SYCP1: variants seen among roughly 807,000 people sequenced by gnomAD.
SYCP1 encodes the protein cancer/testis antigen 8.
A neutral mutation model predicts 153.1 loss-of-function variants in SYCP1; 64 were observed. The ratio of observed to expected loss-of-function variants is 0.42; its 90% confidence interval spans 0.34 to 0.51. SYCP1 has a LOEUF of 0.51. Among genes scored for constraint, SYCP1 ranks in the 20% least tolerant of loss-of-function variants. The probability of loss-of-function intolerance (pLI) is 0.06; values close to 1 mark genes in which losing one functional copy is unlikely to be tolerated. For missense variants in SYCP1, 997 were observed against 1,049.0 expected (o/e 0.95, Z 0.68); for synonymous variants, 384 against 341.8 (o/e 1.12, Z -1.36).
Position 114,924,521 on chromosome 1 carries a change from A to C in SYCP1, c.1800+991A>C, listed in dbSNP as rs562831387. 2.3e-4 allele frequency among the ~76,000 whole-genome samples: 35 copies of C among 152,278 alleles called. No homozygotes were observed. The South Asian group carries it at 7.0e-3, about 31-fold the overall frequency. On this transcript the variant is annotated intron_variant, in intron 21 of 31. Coordinates refer to ENST00000369522, the MANE Select transcript of SYCP1 (RefSeq NM_003176.4). Reference sequence around the variant, plus strand: ...AACTTGAGCTAGGGCGTGCTTCCTGAAAGAAGTCACATTCAATGTGAAGCC... The same window carrying C: ...AACTTGAGCTAGGGCGTGCTTCCTGCAAGAAGTCACATTCAATGTGAAGCC...
rs564894779 is a variant in SYCP1 at position 114,926,523 on chromosome 1, G to A, written c.1886G>A (p.Gly629Asp). The change falls in exon 23 of 32, where the codon GGT becomes GAT. Residue 629 changes from glycine (G) to aspartate (D), a missense_variant. By Grantham distance (94) the Gly-to-Asp change is moderately conservative (BLOSUM62 -1). Transcript: ENST00000369522. ...CAGAATAAGGCCTTGAAAAAAAAAG[G>A]TACAGCAGAAAGCAAGCAACTGAAT... is the stretch of plus-strand genomic sequence containing the variant. Reference protein sequence around the residue: ...QQENKALKKKGTAESKQLNVY... With the variant: ...QQENKALKKKDTAESKQLNVY... The A allele has an allele frequency of 1.3e-6, 2 of 1,588,854 alleles. No individual in the cohort carries two copies. The highest frequency in any genetic ancestry group is 1.4e-5 in the African/African-American group (1 of 73,444).
At chr1:114,880,204 C>G (rs892713102) in intron 12 of SYCP1, among the ~76,000 whole-genome samples, 1 of 152,134 alleles carries the variant, frequency 6.6e-6, no homozygotes, top group African/African-American at 2.4e-5. Flanking sequence ...CAACCATAAC[C>G]ACCATCTTTC....
chr1:114,973,637 TTGTA>T, intron 27 of SYCP1, among the ~76,000 whole-genome samples: 1 of 151,964 alleles, frequency 6.6e-6, no homozygotes, highest in Admixed American at 6.6e-5. Context: ...TAGCATGAGA[TTGTA>T]TGTTTTTGTT....
chr1:114,923,306 C>A, intron 20 of SYCP1, 143 bp from the exon 21 acceptor site: 1 of 805,616 alleles, frequency 1.2e-6, no homozygotes, highest in Non-Finnish European at 1.8e-6. Flanking sequence ...CTTGTTTGTA[C>A]TTATATTATG....
At chr1:114,895,161 C>T (rs1038113232) in intron 15 of SYCP1, among the ~76,000 whole-genome samples, 8 of 152,016 alleles carry the variant, frequency 5.3e-5, no homozygotes, top group African/African-American at 1.4e-4. Flanking sequence ...AATGTACATT[C>T]TGACCTCATT....
At chr1:114,886,674 G>A (rs1366538785) in intron 14 of SYCP1, among the ~76,000 whole-genome samples, 2 of 151,988 alleles carry the variant, frequency 1.3e-5, no homozygotes. Context: ...TCTTACTGAG[G>A]TCTGTAGACC....
chr1:114,923,306 C>T (rs2101726416), intron 20 of SYCP1, 143 bp from the exon 21 acceptor site: 2 of 805,618 alleles, frequency 2.5e-6, no homozygotes, highest in Admixed American at 4.0e-5. Context: ...CTTGTTTGTA[C>T]TTATATTATG....
chr1:114,973,878 C>T (rs1672645698), intron 27 of SYCP1, among the ~76,000 whole-genome samples: 1 of 151,806 alleles, frequency 6.6e-6, no homozygotes, highest in Non-Finnish European at 1.5e-5. Flanking sequence ...GTTAAGGGTT[C>T]TATTACTATT....
intron 26 of SYCP1, 21 bp from the exon 27 acceptor site, chr1:114,947,224 CT>C (rs1557824258): frequency 1.3e-5 from 20 of 1,577,688 alleles, no homozygotes; most frequent in Non-Finnish European, 1.7e-5. Flanking sequence ...CTCTTCTAAA[CT>C]TCATGTTTCT....
At chr1:114,977,502 A>G (rs1353598687) in intron 27 of SYCP1, 55 bp from the exon 28 acceptor site, 2 of 1,067,684 alleles carry the variant, frequency 1.9e-6, no homozygotes, top group Admixed American at 6.8e-5. Flanking sequence ...GATAATATTC[A>G]TTTGTGATCA....
intron 27 of SYCP1, among the ~76,000 whole-genome samples, chr1:114,964,281 T>C (rs1671965687): frequency 6.6e-6 from 1 of 152,234 alleles, no homozygotes; most frequent in Non-Finnish European, 1.5e-5. Flanking sequence ...TAGTCTTTTG[T>C]CAGATGGATA....
intron 27 of SYCP1, among the ~76,000 whole-genome samples, chr1:114,968,141 TGAC>T (rs1280573688): frequency 6.6e-6 from 1 of 152,240 alleles, no homozygotes; most frequent in Non-Finnish European, 1.5e-5. Context: ...TTGGTGAATC[TGAC>T]AATTATGTGT....
chr1:114,875,408 A>G (rs962129295), intron 9 of SYCP1, among the ~76,000 whole-genome samples: 4 of 151,862 alleles, frequency 2.6e-5, no homozygotes, highest in Middle Eastern at 3.4e-3. Flanking sequence ...TACAGGGGAC[A>G]GCCACTACGC....
At chr1:114,924,183 A>G (rs936276515) in intron 21 of SYCP1, among the ~76,000 whole-genome samples, 3 of 152,114 alleles carry the variant, frequency 2.0e-5, no homozygotes, top group African/African-American at 7.2e-5. Context: ...TGAGAATGGA[A>G]TGGGGAGAGA....
intron 16 of SYCP1, among the ~76,000 whole-genome samples, chr1:114,909,495 T>TAC (rs57520899): frequency 0.16 from 17,508 of 106,244 alleles, 1,480 homozygotes; most frequent in African/African-American, 0.22. Context: ...TCCCTTGCTG[T>TAC]ACACACACAC....
At chr1:114,886,449 T>A (rs1641935919) in intron 14 of SYCP1, 140 bp downstream of exon 14, 1 of 652,244 alleles carries the variant, frequency 1.5e-6, no homozygotes, top group Non-Finnish European at 2.3e-6. Context: ...ATGTATAAAG[T>A]GGGAATACAT....
chr1:114,922,027 T>C (rs2101720999), intron 20 of SYCP1, among the ~76,000 whole-genome samples: 1 of 152,330 alleles, frequency 6.6e-6, no homozygotes, highest in East Asian at 1.9e-4. Flanking sequence ...ATGTTATTTA[T>C]TTCTTTTCTC....
intron 3 of SYCP1, 22 bp downstream of exon 3, chr1:114,856,679 G>T (rs370999780): frequency 6.4e-7 from 1 of 1,558,912 alleles, no homozygotes; most frequent in Non-Finnish European, 8.8e-7. Context: ...GAAAAGCAGT[G>T]TATCAGCTTA....
intron 8 of SYCP1, 127 bp from the exon 9 acceptor site, chr1:114,874,379 G>T: frequency 1.8e-6 from 1 of 564,388 alleles, no homozygotes; most frequent in Non-Finnish European, 3.1e-6. Context: ...TAATGATTTA[G>T]ATAACCCAAT....
Sources: gnomAD v4.1 joint callset for allele counts (sites outside exome capture counted in the v4.1 genomes callset) on GRCh38, gnomAD v4.1.1 for gene constraint, MANE v1.5 for transcripts, NCBI Gene and HGNC (gene_info 2026-07-23, HGNC 2026-07-21) for gene names.